The following PDK1 variants were observed in gnomAD, a reference collection of about 807,000 sequenced individuals.
PDK1 encodes the protein [Pyruvate dehydrogenase (acetyl-transferring)] kinase isozyme 1, mitochondrial.
A neutral mutation model predicts 54.2 loss-of-function variants in PDK1; 39 were observed. That is an observed-to-expected ratio of 0.72 (90% CI 0.56 to 0.94). The LOEUF is 0.94. Among genes scored for constraint, PDK1 ranks in the 40% least tolerant of loss-of-function variants. PDK1 has a pLI of 0.00. For missense variants in PDK1, 552 were observed against 566.0 expected (o/e 0.98, Z 0.25); for synonymous variants, 221 against 207.1 (o/e 1.07, Z -0.58).
the PDK1 span, among the ~76,000 whole-genome samples, chr2:172,688,138 A>C: frequency 6.6e-6 from 1 of 152,210 alleles, no homozygotes; most frequent in Non-Finnish European, 1.5e-5. Context: ...AGAGTTCTCT[A>C]TTTAAAACAT....
chr2:172,661,044 A>G, the PDK1 span, among the ~76,000 whole-genome samples: 1 of 152,202 alleles, frequency 6.6e-6, no homozygotes, highest in Non-Finnish European at 1.5e-5. Context: ...TATGGGTGTG[A>G]TGATGATGTG....
chr2:172,720,116 C>CTTT, the PDK1 span, among the ~76,000 whole-genome samples: 13,167 of 116,692 alleles, frequency 0.11, 1,168 homozygotes, highest in Non-Finnish European at 0.13. Flanking sequence ...CTCTCTCTCT[C>CTTT]TTTTTTTTTT....
the PDK1 span, among the ~76,000 whole-genome samples, chr2:172,615,381 T>C: frequency 6.6e-6 from 1 of 152,214 alleles, no homozygotes; most frequent in Non-Finnish European, 1.5e-5. Context: ...CCCAGCACTT[T>C]GGGAGGCCGA....
chr2:172,581,146 G>A (rs532291405), intron 8 of PDK1, among the ~76,000 whole-genome samples: 3 of 152,302 alleles, frequency 2.0e-5, no homozygotes, highest in East Asian at 3.9e-4. Flanking sequence ...AGGCTGGAGT[G>A]CGGTGGCATG....
Position 172,606,353 on chromosome 2 carries a change from T to G in PDK1, c.*10384T>G, listed in dbSNP as rs1190845385. ...TGGCATCCACAGAAGGCTAGGAGGA[T>G]GTAATGAATACTTACCATTTTTGTG... On this transcript the variant is annotated 3_prime_UTR_variant, in exon 11 of 11. Coordinates refer to ENST00000282077, the MANE Select transcript of PDK1 (RefSeq NM_002610.5). 2 of 152,236 alleles carry G rather than the reference T, an allele frequency of 1.3e-5. No homozygotes were observed. Among genetic ancestry groups the G allele is most frequent in the African/African-American group, 4.8e-5 (2 of 41,456 alleles). 9.4% of individuals were successfully genotyped at this position (152,236 alleles called of 1,614,324 possible). A position where few individuals can be genotyped will look rare whatever the true frequency, so the allele number is the denominator to read the frequency against.
chr2:172,583,305 T>G (rs1025763245), intron 8 of PDK1, among the ~76,000 whole-genome samples: 2 of 139,452 alleles, frequency 1.4e-5, no homozygotes, highest in African/African-American at 5.5e-5. Flanking sequence ...TTTTTTTTTT[T>G]TTTTTTTACT....
the PDK1 span, among the ~76,000 whole-genome samples, chr2:172,632,255 G>A: frequency 1.3e-5 from 2 of 151,510 alleles, no homozygotes; most frequent in East Asian, 3.9e-4. Flanking sequence ...CTGGGTGATA[G>A]AGTGAGACTC....
the PDK1 span, among the ~76,000 whole-genome samples, chr2:172,673,106 G>A: frequency 1.3e-5 from 2 of 152,352 alleles, no homozygotes; most frequent in East Asian, 1.9e-4. Flanking sequence ...AGAAGGCCAA[G>A]TGGGCAACTG....
chr2:172,664,040 G>T, the PDK1 span, among the ~76,000 whole-genome samples: 1 of 150,810 alleles, frequency 6.6e-6, no homozygotes, highest in East Asian at 2.0e-4. Context: ...TGCCAGGCGC[G>T]GTGGCTCACA....
At chr2:172,568,962 T>C (rs537366155) in intron 7 of PDK1, 145 bp downstream of exon 7, 1 of 626,916 alleles carries the variant, frequency 1.6e-6, no homozygotes, top group South Asian at 1.9e-5. Context: ...AGATCAGCTT[T>C]TTATCAACAC....
At chr2:172,701,654 T>TG in the PDK1 span, among the ~76,000 whole-genome samples, 2 of 149,206 alleles carry the variant, frequency 1.3e-5, no homozygotes, top group Non-Finnish European at 2.9e-5. Flanking sequence ...TTTTGTTTTT[T>TG]TTTTTTTTTG....
chr2:172,562,287 T>G lies in PDK1; in HGVS notation c.406T>G (p.Tyr136Asp). 6.3e-7 allele frequency: 1 copy of G among 1,579,242 alleles called. No homozygotes were observed. The highest frequency in any genetic ancestry group is 1.3e-5 in the African/African-American group (1 of 74,304). ...DKSAEDAKAI[Y>D]DFTDTVIRIR... ...AAGTGCTGAGGATGCTAAAGCTATT[T>G]ATGAGTAAGTTCACTATTTTGACCC... is the stretch of plus-strand genomic sequence containing the variant. The change falls in exon 3 of 11, where the codon TAT becomes GAT. Residue 136 changes from tyrosine (Y) to aspartate (D), a missense_variant. Coordinates refer to ENST00000282077, the MANE Select transcript of PDK1 (RefSeq NM_002610.5).
At chr2:172,707,095 C>T in the PDK1 span, among the ~76,000 whole-genome samples, 1 of 152,146 alleles carries the variant, frequency 6.6e-6, no homozygotes, top group African/African-American at 2.4e-5. Flanking sequence ...CTCTGGTAGG[C>T]CTCCTCTGAT....
chr2:172,631,127 C>T, the PDK1 span, among the ~76,000 whole-genome samples: 1 of 152,198 alleles, frequency 6.6e-6, no homozygotes, highest in Non-Finnish European at 1.5e-5. Flanking sequence ...TTCCAAATGC[C>T]ATCTGTTAAA....
chr2:172,687,943 C>A, the PDK1 span, among the ~76,000 whole-genome samples: 1 of 152,314 alleles, frequency 6.6e-6, no homozygotes, highest in South Asian at 2.1e-4. Flanking sequence ...CTTACCAAGT[C>A]CCCCTGCACA....
chr2:172,628,424 A>T, the PDK1 span, among the ~76,000 whole-genome samples: 1 of 152,282 alleles, frequency 6.6e-6, no homozygotes, highest in East Asian at 1.9e-4. Flanking sequence ...GTGTAAAATC[A>T]TCACTCCTGT....
At chr2:172,673,552 G>A in the PDK1 span, among the ~76,000 whole-genome samples, 1 of 152,040 alleles carries the variant, frequency 6.6e-6, no homozygotes, top group Non-Finnish European at 1.5e-5. Flanking sequence ...CGTGATGGTC[G>A]CCTGACATTC....
At chr2:172,560,583 T>C (rs1427168085) in intron 2 of PDK1, among the ~76,000 whole-genome samples, 73 of 152,266 alleles carry the variant, frequency 4.8e-4, no homozygotes, top group Non-Finnish European at 8.8e-5. Flanking sequence ...ATCTCTGCTA[T>C]ACCGTGCTAT....
At chr2:172,580,238 CTTT>C (rs11287577) in intron 8 of PDK1, among the ~76,000 whole-genome samples, 67 of 127,270 alleles carry the variant, frequency 5.3e-4, no homozygotes, top group African/African-American at 4.7e-4. Context: ...GAATGTATCA[CTTT>C]TTTTTTTTTT....
Sources: allele counts gnomAD v4.1 joint callset (sites outside exome capture counted in the v4.1 genomes callset), GRCh38; gene constraint gnomAD v4.1.1; transcripts MANE v1.5; gene names NCBI Gene and HGNC (gene_info 2026-07-23, HGNC 2026-07-21).